CTNND2: variants seen among roughly 807,000 people sequenced by gnomAD.
CTNND2 encodes catenin delta-2.
A neutral mutation model predicts 144.4 loss-of-function variants in CTNND2; 22 were observed. That is an observed-to-expected ratio of 0.15 (90% CI 0.11 to 0.22). The LOEUF (loss-of-function observed/expected upper bound fraction) is 0.22, where lower values mean the gene tolerates loss of function less well. CTNND2 is among the 10% of genes least tolerant of loss of function. CTNND2 has a pLI of 1.00. For synonymous variants in CTNND2, 751 were observed against 695.6 expected (o/e 1.08, Z -1.25); for missense variants, 1,353 against 1,618.8 (o/e 0.84, Z 2.82).
intron 3 of CTNND2, among the ~76,000 whole-genome samples, chr5:11,501,039 T>C (rs900878064): frequency 6.6e-6 from 1 of 152,230 alleles, no homozygotes; most frequent in Non-Finnish European, 1.5e-5. Context: ...TTTAACTTTT[T>C]GTGCATCTCA....
chr5:11,568,342 T>C (rs1561568311), intron 2 of CTNND2, among the ~76,000 whole-genome samples: 1 of 152,166 alleles, frequency 6.6e-6, no homozygotes, highest in Non-Finnish European at 1.5e-5. Flanking sequence ...CTTCCTCCTT[T>C]CTGCACTGCT....
chr5:10,985,841 C>T (rs2149491490), intron 20 of CTNND2, among the ~76,000 whole-genome samples: 1 of 152,318 alleles, frequency 6.6e-6, no homozygotes, highest in Non-Finnish European at 1.5e-5. Flanking sequence ...GAAAGACTGG[C>T]TTCCACCTGG....
At chr5:11,287,589 T>A (rs1053586273) in intron 9 of CTNND2, among the ~76,000 whole-genome samples, 1 of 152,184 alleles carries the variant, frequency 6.6e-6, no homozygotes, top group African/African-American at 2.4e-5. Context: ...TCCTTAGAAG[T>A]GTTCAAGGTA....
At chr5:11,352,510 A>T (rs1159666696) in intron 8 of CTNND2, among the ~76,000 whole-genome samples, 1 of 152,214 alleles carries the variant, frequency 6.6e-6, no homozygotes, top group Non-Finnish European at 1.5e-5. Context: ...ACATTTATCT[A>T]CGTAACAAAC....
intron 15 of CTNND2, among the ~76,000 whole-genome samples, chr5:11,096,377 A>G (rs1004278736): frequency 6.6e-6 from 1 of 151,900 alleles, no homozygotes; most frequent in South Asian, 2.1e-4. Context: ...ATGTGTTCTC[A>G]TTGTTCAATT....
chr5:11,288,120 G>A (rs76046899), intron 9 of CTNND2, among the ~76,000 whole-genome samples: 5,537 of 152,134 alleles, frequency 0.036, 171 homozygotes, highest in African/African-American at 0.082. Flanking sequence ...GATGCATTGC[G>A]GCAGGTTATT....
At chr5:11,549,716 C>T (rs185870086) in intron 3 of CTNND2, among the ~76,000 whole-genome samples, 14 of 152,252 alleles carry the variant, frequency 9.2e-5, no homozygotes, top group African/African-American at 3.4e-4. Context: ...TTGTAGGGAC[C>T]TTGAGCAACT....
rs548789062 is a variant in CTNND2, at chr5:11,794,008, G to A, written c.38-61736C>T. On this transcript the variant is annotated intron_variant, in intron 1 of 21. Coordinates refer to ENST00000304623, the MANE Select transcript of CTNND2 (RefSeq NM_001332.4). The stretch of plus-strand genomic sequence containing the variant: ...AAAGAAACACTGTATGGTGTAAAGC[G>A]TGTTTTGTTGTTTTCTCCACCCTTG... Among the ~76,000 whole-genome samples the A allele has an allele frequency of 9.2e-5, 14 of 152,284 alleles. No individual in the cohort carries two copies. The South Asian group carries it at 1.0e-3, about 11-fold the overall frequency.
chr5:11,393,623 C>T (rs188485489), intron 6 of CTNND2, among the ~76,000 whole-genome samples: 1 of 152,144 alleles, frequency 6.6e-6, no homozygotes, highest in African/African-American at 2.4e-5. Flanking sequence ...CACCCACAAA[C>T]CAGCACAGAA....
At chr5:11,776,369 C>A (rs1643342671) in intron 1 of CTNND2, among the ~76,000 whole-genome samples, 1 of 152,122 alleles carries the variant, frequency 6.6e-6, no homozygotes, top group Admixed American at 6.5e-5. Context: ...AACAACAATG[C>A]ATTTAAAATA....
In CTNND2 at chr5:11,355,972, A is replaced by G. The variant is rs535837384; in HGVS notation, c.1372+8724T>C. On this transcript the variant is annotated intron_variant, in intron 8 of 21. Transcript: ENST00000304623. ...TAATAGCTACAAAAATTAGATATGT[A>G]GAAATAAACTTAACCGAGGAGATAA... 8.5e-5 allele frequency among the ~76,000 whole-genome samples: 13 copies of G among 152,216 alleles called. 1 individual carries two copies. In the South Asian group the frequency reaches 2.7e-3, roughly 32 times the overall value.
rs776463598 is a variant in CTNND2 at position 11,384,788 on chromosome 5, T to C, written c.1054A>G (p.Thr352Ala). The C allele has an allele frequency of 2.5e-6, 4 of 1,612,830 alleles. No individual in the cohort carries two copies. The highest frequency in any genetic ancestry group is 2.7e-5 in the African/African-American group (2 of 74,762). Residue 352 changes from threonine (T) to alanine (A), a missense_variant, in exon 7 of 22, where the codon ACC becomes GCC. By Grantham distance (58) the Thr-to-Ala change is moderately conservative. Around this residue, in one of 4 missense-constraint regions of CTNND2, gnomAD observed 708 missense variants for 706.4 expected, o/e 1.00. Transcript: ENST00000304623. The surrounding 1 kb of genome is among the most constrained non-coding windows in gnomAD (Gnocchi z 5.2). The part of the protein sequence containing the change: ...SSSPIHQLSS[T>A]IGTYATLSPT... ...GACAGGGTGGCGTACGTGCCGATGG[T>C]GGAGCTCAGCTGGTGGATGGGCGAG...
intron 9 of CTNND2, among the ~76,000 whole-genome samples, chr5:11,302,266 G>A (rs980833646): frequency 6.6e-6 from 1 of 152,134 alleles, no homozygotes; most frequent in South Asian, 2.1e-4. Context: ...GGGCAGCTGA[G>A]AATGACAGCC....
rs534407724 is a variant in CTNND2, at chr5:11,227,436, C to A, written c.1761+9255G>T. On this transcript the variant is annotated intron_variant, in intron 10 of 21. Coordinates refer to ENST00000304623, the MANE Select transcript of CTNND2 (RefSeq NM_001332.4). ...GCCGTTGCTATAAGCTCAGTGGTAT[C>A]CTCTCTACTGATATTTAATCAAAGA... 2.0e-3 allele frequency among the ~76,000 whole-genome samples: 308 copies of A among 152,246 alleles called. 1 individual carries two copies. Among genetic ancestry groups the A allele is most frequent in the Non-Finnish European group, 3.3e-3 (226 of 68,028 alleles).
chr5:11,821,741 T>C (rs1354251478), intron 1 of CTNND2, among the ~76,000 whole-genome samples: 1 of 152,218 alleles, frequency 6.6e-6, no homozygotes, highest in Non-Finnish European at 1.5e-5. Context: ...AAAATCAGTA[T>C]AAGAGAGATT....
chr5:11,346,392 A>C lies in CTNND2; in HGVS notation c.1608T>G (p.Asp536Glu). ...CCCACCTGGGATCTTTCTGAATGCT[A>C]TCAATGGACGGGGACCTGGCCAAGG... Reference protein sequence around the residue: ...EGTLARSPSIDSIQKDPREFG... With the variant: ...EGTLARSPSIESIQKDPREFG... The change falls in exon 9 of 22, where the codon GAT becomes GAG. Residue 536 changes from aspartate to glutamate, a missense_variant. By Grantham distance (45) the Asp-to-Glu change is conservative. Transcript: ENST00000304623. 1.3e-6 allele frequency: 2 copies of C among 1,483,352 alleles called. No individual in the cohort carries two copies. The highest frequency in any genetic ancestry group is 1.4e-5 in the South Asian group (1 of 71,242). The allele number at this position is 1,483,352 out of a possible 1,614,324, so 91.9% of individuals were successfully genotyped here.
chr5:11,009,808 G>A (rs1230855647), intron 18 of CTNND2, among the ~76,000 whole-genome samples: 1 of 152,190 alleles, frequency 6.6e-6, no homozygotes, highest in East Asian at 1.9e-4. Flanking sequence ...ACTGCCATGT[G>A]CATTGATTTC....
chr5:11,535,643 A>C (rs1774139427), intron 3 of CTNND2, among the ~76,000 whole-genome samples: 1 of 152,226 alleles, frequency 6.6e-6, no homozygotes, highest in Non-Finnish European at 1.5e-5. Flanking sequence ...TATTATTAAA[A>C]CTATGGTATT....
intron 9 of CTNND2, among the ~76,000 whole-genome samples, chr5:11,287,231 G>A (rs1393507337): frequency 1.3e-5 from 2 of 152,126 alleles, no homozygotes; most frequent in Non-Finnish European, 2.9e-5. Flanking sequence ...ATTTAAATCA[G>A]TCAACTTTAA....
Sources: gnomAD v4.1 joint callset for allele counts (sites outside exome capture counted in the v4.1 genomes callset) on GRCh38, gnomAD v4.1.1 for gene constraint, gnomAD v4.1.1 regional missense constraint, Gnocchi (gnomAD v3.1) non-coding constraint, MANE v1.5 for transcripts, NCBI Gene and HGNC (gene_info 2026-07-23, HGNC 2026-07-21) for gene names.